Variants in UGGT2 observed in about 807,000 individuals in gnomAD.
The protein encoded by UGGT2 is UDP-glucose:glycoprotein glucosyltransferase 2.
Under a neutral mutation model 192.1 loss-of-function variants are expected in UGGT2, and 180 were observed. The ratio of observed to expected loss-of-function variants is 0.94; its 90% confidence interval spans 0.83 to 1.06. The LOEUF is 1.06. UGGT2 is among the 50% of genes least tolerant of loss of function. UGGT2 has a pLI of 0.00. For missense variants in UGGT2, 1,849 were observed against 1,795.7 expected (o/e 1.03, Z -0.54); for synonymous variants, 580 against 591.0 (o/e 0.98, Z 0.27).
At chr13:95,843,754 C>T (rs1490826630) in intron 36 of UGGT2, among the ~76,000 whole-genome samples, 1 of 151,980 alleles carries the variant, frequency 6.6e-6, no homozygotes, top group African/African-American at 2.4e-5. Flanking sequence ...TATCTTTGCA[C>T]CTTTGTCAAA....
intron 12 of UGGT2, among the ~76,000 whole-genome samples, chr13:95,967,476 GTTT>G (rs56772987): frequency 1.4e-4 from 18 of 127,624 alleles, no homozygotes; most frequent in South Asian, 2.6e-4. Flanking sequence ...CAACTTTTTT[GTTT>G]TTTTTTTTTT....
chr13:95,833,152 A>C, intron 37 of UGGT2, 99 bp from the exon 38 acceptor site: 1 of 1,371,472 alleles, frequency 7.3e-7, no homozygotes, highest in Non-Finnish European at 9.8e-7. Flanking sequence ...TTTTATAAAA[A>C]GCAGAGTCCT....
At chr13:95,923,480 T>A (rs557526309) in intron 20 of UGGT2, among the ~76,000 whole-genome samples, 1 of 151,772 alleles carries the variant, frequency 6.6e-6, no homozygotes, top group East Asian at 1.9e-4. Flanking sequence ...GGGATTCTCC[T>A]GCCTCAGCCT....
At chr13:95,908,062 A>C (rs1379140295) in intron 20 of UGGT2, among the ~76,000 whole-genome samples, 1 of 152,234 alleles carries the variant, frequency 6.6e-6, no homozygotes, top group East Asian at 1.9e-4. Flanking sequence ...AAATGACGTG[A>C]TGGAGCTGAA....
Position 95,894,663 on chromosome 13 carries a change from TAAAC to T in UGGT2, c.2760-10_2760-7del, listed in dbSNP as rs1462947546. ...TCATAATAAAGTCACTCATGCTAGA[TAAAC>T]AAGACAAACAGTGTATGAGTTTTTT... is the stretch of plus-strand genomic sequence containing the variant. On this transcript the variant is annotated splice_region_variant and splice_polypyrimidine_tract_variant and intron_variant, in intron 23 of 38. Coordinates refer to ENST00000376747, the MANE Select transcript of UGGT2 (RefSeq NM_020121.4). 5 of 1,608,548 alleles carry T rather than the reference TAAAC, an allele frequency of 3.1e-6. No individual in the cohort carries two copies. Among genetic ancestry groups the T allele is most frequent in the Non-Finnish European group, 3.4e-6 (4 of 1,177,012 alleles).
intron 12 of UGGT2, among the ~76,000 whole-genome samples, chr13:95,964,816 A>C (rs1461691491): frequency 6.6e-6 from 1 of 152,002 alleles, no homozygotes; most frequent in Non-Finnish European, 1.5e-5. Context: ...CAACCTACAA[A>C]ATGGGAGAAA....
At chr13:95,907,340 C>A (rs570651670) in intron 20 of UGGT2, among the ~76,000 whole-genome samples, 1 of 152,360 alleles carries the variant, frequency 6.6e-6, no homozygotes, top group South Asian at 2.1e-4. Context: ...CTTAGCAGAA[C>A]AAAAGGCAGC....
At chr13:95,925,614 T>C in intron 20 of UGGT2, 66 bp downstream of exon 20, 2 of 1,079,976 alleles carry the variant, frequency 1.9e-6, no homozygotes, top group Non-Finnish European at 2.6e-6. Context: ...TAATGTATGT[T>C]CTTCATATTG....
chr13:95,946,950 C>A, intron 15 of UGGT2, 87 bp downstream of exon 15: 1 of 1,311,798 alleles, frequency 7.6e-7, no homozygotes. Flanking sequence ...AAATGTAATG[C>A]AAAAATTATA....
chr13:95,814,239 C>A, intron 38 of UGGT2, among the ~76,000 whole-genome samples: 1 of 152,202 alleles, frequency 6.6e-6, no homozygotes, highest in Non-Finnish European at 1.5e-5. Context: ...GCAGCTTGCA[C>A]CTTCAGTGTG....
Position 96,023,092 on chromosome 13 carries a change from G to C in UGGT2, c.433C>G (p.His145Asp). 6.3e-7 allele frequency: 1 copy of C among 1,594,352 alleles called. No homozygotes were observed. Among genetic ancestry groups the C allele is most frequent in the Non-Finnish European group, 8.6e-7 (1 of 1,169,072 alleles). ...TTAATCTCATTAATTTTACAGGTGT[G>C]CTTCTTATGAATAACCACAAATGCA... ...CNAFVVIHKK[H>D]TCKINEIKKL... The change falls in exon 4 of 39, where the codon CAC (histidine) becomes GAC (aspartate). Residue 145 changes from histidine to aspartate, a missense_variant. Coordinates refer to ENST00000376747, the MANE Select transcript of UGGT2 (RefSeq NM_020121.4).
chr13:95,938,130 C>T (rs1371458538), intron 16 of UGGT2, among the ~76,000 whole-genome samples: 1 of 152,168 alleles, frequency 6.6e-6, no homozygotes, highest in Non-Finnish European at 1.5e-5. Context: ...TCCCCAGCCA[C>T]GTGGAACTGT....
At chr13:95,912,938 T>A (rs2048551984) in intron 20 of UGGT2, among the ~76,000 whole-genome samples, 1 of 152,030 alleles carries the variant, frequency 6.6e-6, no homozygotes, top group African/African-American at 2.4e-5. Flanking sequence ...ATACCACACA[T>A]CTACAACCAT....
At chr13:95,885,753 T>C (rs1046274374) in intron 26 of UGGT2, among the ~76,000 whole-genome samples, 8 of 152,226 alleles carry the variant, frequency 5.3e-5, no homozygotes, top group Non-Finnish European at 1.2e-4. Context: ...AAATTCTTGC[T>C]GCAGTGGAAA....
At chr13:95,928,555 C>G (rs1308582159) in intron 17 of UGGT2, among the ~76,000 whole-genome samples, 1 of 151,504 alleles carries the variant, frequency 6.6e-6, no homozygotes, top group South Asian at 2.1e-4. Flanking sequence ...AGTTCCCAGA[C>G]GGGGTCGCGG....
At chr13:95,863,564 G>T in intron 31 of UGGT2, 65 bp downstream of exon 31, 1 of 1,328,914 alleles carries the variant, frequency 7.5e-7, no homozygotes, top group South Asian at 1.2e-5. Context: ...ACTACCTGTG[G>T]AACTTCCACA....
intron 35 of UGGT2, 90 bp from the exon 36 acceptor site, chr13:95,853,747 TAACTAC>T (rs1889291583): frequency 1.3e-6 from 1 of 743,740 alleles, no homozygotes; most frequent in African/African-American, 1.8e-5. Context: ...GTGACGGTAT[TAACTAC>T]AGATATCCTA....
chr13:95,848,284 A>G (rs1452033369), intron 36 of UGGT2, among the ~76,000 whole-genome samples: 3 of 152,200 alleles, frequency 2.0e-5, no homozygotes, highest in Non-Finnish European at 2.9e-5. Flanking sequence ...TTTGCAGAGC[A>G]GAAGTTTTTA....
intron 29 of UGGT2, among the ~76,000 whole-genome samples, chr13:95,873,597 CTCTT>C (rs1470202500): frequency 6.6e-6 from 1 of 152,182 alleles, no homozygotes; most frequent in African/African-American, 2.4e-5. Flanking sequence ...TGCATGCTCT[CTCTT>C]TCTCTCTGCC....
Sources: allele counts gnomAD v4.1 joint callset (sites outside exome capture counted in the v4.1 genomes callset), GRCh38; gene constraint gnomAD v4.1.1; transcripts MANE v1.5; gene names NCBI Gene and HGNC (gene_info 2026-07-23, HGNC 2026-07-21).